The following GNB1L variants were observed in gnomAD, a reference collection of about 807,000 sequenced individuals.
The protein encoded by GNB1L is guanine nucleotide-binding protein subunit beta-like protein 1.
Under a neutral mutation model 29.1 loss-of-function variants are expected in GNB1L, and 20 were observed. That is an observed-to-expected ratio of 0.69 (90% CI 0.48 to 1.00). The LOEUF (loss-of-function observed/expected upper bound fraction) is 1.00. Among genes scored for constraint, GNB1L ranks in the 50% least tolerant of loss-of-function variants. The pLI is 0.00. For synonymous variants in GNB1L, 193 were observed against 206.5 expected (o/e 0.93, Z 0.56); for missense variants, 421 against 464.9 (o/e 0.91, Z 0.87).
At chr22:19,805,715 G>A (rs1428021894) in intron 6 of GNB1L, among the ~76,000 whole-genome samples, 1 of 152,120 alleles carries the variant, frequency 6.6e-6, no homozygotes, top group Non-Finnish European at 1.5e-5. Flanking sequence ...CCAGGAAGCG[G>A]AGCTTGCAGT....
chr22:19,833,102 T>C (rs1460898351), intron 2 of GNB1L, among the ~76,000 whole-genome samples: 2 of 152,170 alleles, frequency 1.3e-5, no homozygotes, highest in Non-Finnish European at 2.9e-5. Context: ...ACCCAGGATA[T>C]GTCTAGGATA....
chr22:19,794,245 G>A (rs555015672), intron 7 of GNB1L, among the ~76,000 whole-genome samples: 81 of 152,272 alleles, frequency 5.3e-4, no homozygotes, highest in Middle Eastern at 6.8e-3. Context: ...GCAAGACCTT[G>A]CCTCAAAGAA....
chr22:19,819,167 C>T (rs1386341548), intron 4 of GNB1L, among the ~76,000 whole-genome samples: 1 of 152,252 alleles, frequency 6.6e-6, no homozygotes, highest in African/African-American at 2.4e-5. Flanking sequence ...AGAGGCAGGC[C>T]CTCCAGGGCC....
chr22:19,812,531 G>T, intron 4 of GNB1L, 84 bp from the exon 5 acceptor site: 2 of 1,338,896 alleles, frequency 1.5e-6, no homozygotes, highest in East Asian at 2.5e-5. Flanking sequence ...GGAAGGCAAG[G>T]CCATGTTTCC....
At chr22:19,849,978 G>T (rs536045746) in intron 2 of GNB1L, 1 of 985,288 alleles carries the variant, frequency 1.0e-6, no homozygotes, top group East Asian at 1.1e-4. Flanking sequence ...CATTCCTCTG[G>T]GCCTGGGGCC....
chr22:19,832,336 C>T (rs1311470434), intron 2 of GNB1L, among the ~76,000 whole-genome samples: 2 of 152,052 alleles, frequency 1.3e-5, no homozygotes, highest in African/African-American at 2.4e-5. Flanking sequence ...TCCCACCCCC[C>T]AAAAAATCCC....
rs74475295 is a variant in GNB1L at position 19,809,244 on chromosome 22, G to T, written c.418-2487C>A. ...GAGCACGGTGGTGGAAGAGCACACC[G>T]ACAGAGGCTGGCATGCTGGCAGGCC... On this transcript the variant is annotated intron_variant, in intron 5 of 7. Transcript: ENST00000329517. Among the ~76,000 whole-genome samples, 1,136 of 151,848 alleles carry T rather than the reference G, an allele frequency of 7.5e-3. 26 individuals are homozygous for T. The South Asian group carries it at 0.086, about 12-fold the overall frequency.
intron 4 of GNB1L, 137 bp downstream of exon 4, chr22:19,820,461 T>C: frequency 7.4e-6 from 7 of 939,736 alleles, no homozygotes; most frequent in Non-Finnish European, 1.1e-5. Flanking sequence ...CACCCTGCCC[T>C]TGCTGCGGAC....
At chr22:19,797,796 C>T (rs967058598) in intron 7 of GNB1L, among the ~76,000 whole-genome samples, 3 of 152,178 alleles carry the variant, frequency 2.0e-5, no homozygotes, top group Non-Finnish European at 4.4e-5. Flanking sequence ...CTCCAGGGCC[C>T]GGGGCCCCCT....
intron 2 of GNB1L, among the ~76,000 whole-genome samples, chr22:19,834,315 G>T (rs1569051898): frequency 6.6e-6 from 1 of 152,174 alleles, no homozygotes; most frequent in East Asian, 1.9e-4. Flanking sequence ...ATTCTTTGGG[G>T]ATGAAGGCAA....
intron 5 of GNB1L, among the ~76,000 whole-genome samples, chr22:19,807,574 T>C (rs1489903326): frequency 2.6e-5 from 4 of 152,176 alleles, no homozygotes; most frequent in African/African-American, 7.2e-5. Context: ...ATGTTTTACA[T>C]AGGAACCACT....
chr22:19,828,624 T>G (rs1466371804), intron 2 of GNB1L, among the ~76,000 whole-genome samples: 1 of 151,714 alleles, frequency 6.6e-6, no homozygotes, highest in Non-Finnish European at 1.5e-5. Flanking sequence ...AAAGCCTGGG[T>G]GACAGAGTGA....
intron 2 of GNB1L, chr22:19,852,274 G>C: frequency 6.3e-7 from 1 of 1,589,652 alleles, no homozygotes; most frequent in South Asian, 1.2e-5. Context: ...TGGGAGCACA[G>C]GGGAGAAGAG....
At position 19,788,496 on chromosome 22, in the gene GNB1L, G is replaced by T; in HGVS notation, c.*213C>A. On this transcript the variant is annotated 3_prime_UTR_variant, in exon 8 of 8. Coordinates refer to ENST00000329517, the MANE Select transcript of GNB1L (RefSeq NM_053004.3). ...CCAACGTCTCCTGCAGGCCTCGGAC[G>T]GCCAGGGCTCTGGCTGGCCCCCAGA... 2.9e-6 allele frequency: 2 copies of T among 680,258 alleles called. No homozygotes were observed. The highest frequency in any genetic ancestry group is 1.6e-5 in the South Asian group (1 of 61,238). 42.1% of individuals were successfully genotyped at this position (680,258 alleles called of 1,614,324 possible).
At position 19,788,793 on chromosome 22, in the gene GNB1L, G is replaced by A. The variant is rs752258980; in HGVS notation, c.900C>T (p.Cys300=). 4.3e-5 allele frequency: 69 copies of A among 1,612,380 alleles called. 1 individual carries two copies. Among genetic ancestry groups the A allele is most frequent in the Admixed American group, 1.2e-4 (7 of 59,988 alleles). The stretch of plus-strand genomic sequence containing the variant: ...GCAAGCCATCGGCGGTGAAGGCCAC[G>A]CACTGGACAGCGGCGCTGTGGAAGG... ...VLAFHSAAVQ[C]VAFTADGLLA... Residue 300 remains cysteine, a synonymous_variant, in exon 8 of 8, where the codon TGC becomes TGT. Transcript: ENST00000329517.
intron 7 of GNB1L, among the ~76,000 whole-genome samples, chr22:19,794,435 C>T (rs544088831): frequency 6.6e-6 from 1 of 152,196 alleles, no homozygotes; most frequent in Non-Finnish European, 1.5e-5. Flanking sequence ...AGGTTGCACA[C>T]TCTTGGAGTG....
chr22:19,828,095 T>C (rs879067359), intron 2 of GNB1L, among the ~76,000 whole-genome samples: 1 of 152,158 alleles, frequency 6.6e-6, no homozygotes, highest in Non-Finnish European at 1.5e-5. Context: ...AAATAAAATG[T>C]TCACAACACG....
intron 2 of GNB1L, chr22:19,847,010 C>T: frequency 1.0e-6 from 1 of 985,502 alleles, no homozygotes; most frequent in Non-Finnish European, 1.2e-6. Context: ...GCTTGTACTT[C>T]TCCATACTGA....
At chr22:19,825,744 C>T (rs999567452) in intron 2 of GNB1L, among the ~76,000 whole-genome samples, 32 of 152,050 alleles carry the variant, frequency 2.1e-4, no homozygotes, top group Admixed American at 4.6e-4. Flanking sequence ...TGCTGGAGTC[C>T]AGAAGTTCAA....
Sources: gnomAD v4.1 joint callset for allele counts (sites outside exome capture counted in the v4.1 genomes callset) on GRCh38, gnomAD v4.1.1 for gene constraint, MANE v1.5 for transcripts, NCBI Gene and HGNC (gene_info 2026-07-23, HGNC 2026-07-21) for gene names.